ARHGAP12: variants seen among roughly 807,000 people sequenced by gnomAD.
ARHGAP12 encodes Rho GTPase activating protein 12, also known as rho GTPase-activating protein 12.
A neutral mutation model predicts 108.6 loss-of-function variants in ARHGAP12; 64 were observed. The ratio of observed to expected loss-of-function variants is 0.59; its 90% CI spans 0.48 to 0.73. The LOEUF is 0.73. ARHGAP12 is among the 30% of genes least tolerant of loss of function. ARHGAP12 has a pLI of 0.00. For synonymous variants in ARHGAP12, 312 were observed against 337.2 expected, an observed-to-expected ratio of 0.93 and a Z score of 0.82; for missense variants, 940 against 1,005.9, an observed-to-expected ratio of 0.93 and a Z score of 0.89.
At chr10:31,873,263 T>C (rs1288515694) in intron 3 of ARHGAP12, among the ~76,000 whole-genome samples, 4 of 152,242 alleles carry the variant, frequency 2.6e-5, no homozygotes, top group Non-Finnish European at 5.9e-5. Flanking sequence ...GTGTGTATTT[T>C]ACAGTACATC....
intron 6 of ARHGAP12, among the ~76,000 whole-genome samples, chr10:31,850,102 C>G (rs1389339922): frequency 6.6e-6 from 1 of 152,152 alleles, no homozygotes; most frequent in African/African-American, 2.4e-5. Flanking sequence ...TCCAGGGAAT[C>G]AGAAACCACT....
At chr10:31,898,484 C>T (rs1432916429) in intron 3 of ARHGAP12, among the ~76,000 whole-genome samples, 1 of 152,132 alleles carries the variant, frequency 6.6e-6, no homozygotes, top group Non-Finnish European at 1.5e-5. Context: ...ATCTCTTGAC[C>T]TCGTGATCTG....
chr10:31,923,469 A>G (rs1340555206), intron 1 of ARHGAP12, among the ~76,000 whole-genome samples: 2 of 152,244 alleles, frequency 1.3e-5, no homozygotes, highest in Non-Finnish European at 2.9e-5. Context: ...GTATTTACCA[A>G]CAAAAATTAA....
intron 15 of ARHGAP12, 174 bp downstream of exon 15, chr10:31,812,528 TTAAAA>T (rs1263238570): frequency 2.3e-6 from 1 of 434,898 alleles, no homozygotes; most frequent in Non-Finnish European, 4.0e-6. Flanking sequence ...ACTACTTTAG[TTAAAA>T]TAAACTTTCA....
Position 31,814,309 on chromosome 10 carries a change from A to G in ARHGAP12, c.1784T>C (p.Ile595Thr), listed in dbSNP as rs781058942. 1 of 1,614,092 alleles carries G rather than the reference A, an allele frequency of 6.2e-7. No individual in the cohort carries two copies. Among genetic ancestry groups the G allele is most frequent in the Admixed American group, 1.7e-5 (1 of 60,032 alleles). The change falls in exon 14 of 20, where the codon ATA becomes ACA. Residue 595 changes from isoleucine (I) to threonine (T), a missense_variant. Physicochemically the swap from Ile to Thr is moderately conservative, Grantham distance 89. Transcript: ENST00000344936. The part of the protein sequence containing the change: ...IEEEIPDSPG[I>T]EKHDKEKEQK... ...TTCCTTTTCTTTATCATGCTTTTCT[A>G]TTCCTGGTGAATCCGGTATCTCCTC...
intron 9 of ARHGAP12, among the ~76,000 whole-genome samples, chr10:31,836,491 A>C (rs1164411238): frequency 1.3e-5 from 2 of 152,220 alleles, no homozygotes; most frequent in African/African-American, 4.8e-5. Context: ...AGAAAAAGTT[A>C]ACATGTTTAA....
chr10:31,913,634 C>T (rs976280304), intron 1 of ARHGAP12: 2 of 92,784 alleles, frequency 2.2e-5, no homozygotes, highest in Non-Finnish European at 2.2e-5. Context: ...CCTGATGCTG[C>T]AAAAAAAAAA....
At chr10:31,850,215 A>G (rs1025475077) in intron 6 of ARHGAP12, among the ~76,000 whole-genome samples, 7 of 152,206 alleles carry the variant, frequency 4.6e-5, no homozygotes, top group African/African-American at 1.7e-4. Flanking sequence ...AAAAAACTTA[A>G]TATGTTTATT....
chr10:31,828,219 CT>C (rs4016813), intron 10 of ARHGAP12, among the ~76,000 whole-genome samples: 4 of 148,180 alleles, frequency 2.7e-5, no homozygotes, highest in East Asian at 2.0e-4. Flanking sequence ...CACCTTATTG[CT>C]TTTTTTTTTC....
intron 3 of ARHGAP12, among the ~76,000 whole-genome samples, chr10:31,894,277 G>A (rs1488620575): frequency 6.6e-6 from 1 of 152,040 alleles, no homozygotes; most frequent in Non-Finnish European, 1.5e-5. Context: ...GAAATAAAGG[G>A]TATTCAATTA....
At chr10:31,918,321 A>T (rs1253442180) in intron 1 of ARHGAP12, among the ~76,000 whole-genome samples, 9 of 75,186 alleles carry the variant, frequency 1.2e-4, no homozygotes, top group African/African-American at 3.0e-4. Flanking sequence ...GAAATCACAC[A>T]CACACACACA....
chr10:31,854,277 A>C, intron 4 of ARHGAP12, 71 bp from the exon 5 acceptor site: 1 of 1,346,578 alleles, frequency 7.4e-7, no homozygotes, highest in Non-Finnish European at 1.0e-6. Context: ...AAATCTAATA[A>C]ATAAATTTTA....
In ARHGAP12 at chr10:31,852,507, G is replaced by A. The variant is rs748684600; in HGVS notation, c.1170+10C>T. On this transcript the variant is annotated intron_variant, in intron 6 of 19. Transcript: ENST00000344936. The stretch of plus-strand genomic sequence containing the variant: ...TTTTTAAATAGAAATTCGGTGTCAA[G>A]GTTTATTACCTTTGGCAATTCCCAT... 6.3e-7 allele frequency: 1 copy of A among 1,589,730 alleles called. No individual in the cohort carries two copies. The highest frequency in any genetic ancestry group is 1.7e-5 in the Admixed American group (1 of 59,858).
intron 3 of ARHGAP12, among the ~76,000 whole-genome samples, chr10:31,866,223 G>A (rs1180508263): frequency 6.6e-6 from 1 of 152,160 alleles, no homozygotes; most frequent in Non-Finnish European, 1.5e-5. Flanking sequence ...AAACTAGACA[G>A]TATCAAATTC....
intron 11 of ARHGAP12, among the ~76,000 whole-genome samples, chr10:31,823,871 T>C (rs1015056570): frequency 6.6e-6 from 1 of 152,152 alleles, no homozygotes; most frequent in African/African-American, 2.4e-5. Flanking sequence ...CTTAGAATCT[T>C]ATTCTCAGGT....
chr10:31,901,167 G>C (rs903271787), intron 3 of ARHGAP12, among the ~76,000 whole-genome samples: 1 of 149,372 alleles, frequency 6.7e-6, no homozygotes, highest in Non-Finnish European at 1.5e-5. Context: ...AGTGAGCCAA[G>C]ATTGCGCCAC....
At position 31,854,163 on chromosome 10, in the gene ARHGAP12, T is replaced by C. The variant is rs779582568; in HGVS notation, c.992A>G (p.Gln331Arg). The change falls in exon 5 of 20, where the codon CAG becomes CGG. Residue 331 changes from glutamine (Q) to arginine (R), a missense_variant. By Grantham distance (43) the Gln-to-Arg change is conservative. Transcript: ENST00000344936. ...AGGAGAACCACACTGACTATCTGAC[T>C]GGCTGTAAGAAGTGCTGTAGTAGTT... Reference protein sequence around the residue: ...EENYYSTSYSQSDSQCGSPPR... With the variant: ...EENYYSTSYSRSDSQCGSPPR... The C allele has an allele frequency of 1.2e-6, 2 of 1,613,556 alleles. No individual in the cohort carries two copies. The highest frequency in any genetic ancestry group is 2.7e-5 in the African/African-American group (2 of 74,914).
chr10:31,915,249 G>C (rs758983754), intron 1 of ARHGAP12, among the ~76,000 whole-genome samples: 1 of 152,222 alleles, frequency 6.6e-6, no homozygotes, highest in Non-Finnish European at 1.5e-5. Context: ...AGCCAGGCGT[G>C]GTAGCGCATG....
At chr10:31,830,889 C>G (rs1354486404) in intron 10 of ARHGAP12, among the ~76,000 whole-genome samples, 1 of 152,200 alleles carries the variant, frequency 6.6e-6, no homozygotes, top group Non-Finnish European at 1.5e-5. Context: ...AAGAATTTAA[C>G]AACATACTAA....
Sources: gnomAD v4.1 joint callset for allele counts (sites outside exome capture counted in the v4.1 genomes callset) on GRCh38, gnomAD v4.1.1 for gene constraint, MANE v1.5 for transcripts, NCBI Gene and HGNC (gene_info 2026-07-23, HGNC 2026-07-21) for gene names.